The following HCN4 variants were observed in gnomAD, a reference collection of about 807,000 sequenced individuals.
HCN4 encodes the protein potassium/sodium hyperpolarization-activated cyclic nucleotide-gated channel 4.
In HCN4, 29 loss-of-function variants were observed where a neutral mutation model predicts 76.9. The ratio of observed to expected loss-of-function variants is 0.38; its 90% CI spans 0.28 to 0.51. The LOEUF is 0.51. Among genes scored for constraint, HCN4 ranks in the 20% least tolerant of loss-of-function variants. The probability of loss-of-function intolerance (pLI) is 0.90; values close to 1 mark genes in which losing one functional copy is unlikely to be tolerated. For missense variants in HCN4, 1,416 were observed against 1,715.2 expected (o/e 0.83, Z 3.08); for synonymous variants, 772 against 762.5 (o/e 1.01, Z -0.21).
rs1177528428 is a variant in HCN4, at chr15:73,328,117, G to A, written c.1590+1456C>T. Among the ~76,000 whole-genome samples, 11 of 152,160 alleles carry A rather than the reference G, an allele frequency of 7.2e-5. No homozygotes were observed. The highest frequency in any genetic ancestry group is 4.1e-4 in the South Asian group (2 of 4,828). ...ATGGTTAATTACATCACCACAGAGT[G>A]CCGAGTGTGGTGAAGGAGGAGAGGG... On this transcript the variant is annotated intron_variant, in intron 4 of 7. Transcript: ENST00000261917. This position sits in a 1 kb window ranked among gnomAD's most constrained non-coding sequence, Gnocchi z 4.0.
intron 6 of HCN4, 115 bp from the exon 7 acceptor site, chr15:73,324,368 A>G: frequency 4.3e-6 from 5 of 1,164,562 alleles, no homozygotes; most frequent in Non-Finnish European, 6.2e-6. Flanking sequence ...CAGGCTCACA[A>G]GGCCCTGCCC....
At chr15:73,364,852 CCA>C (rs2043121532) in intron 1 of HCN4, among the ~76,000 whole-genome samples, 2 of 152,106 alleles carry the variant, frequency 1.3e-5, no homozygotes, top group African/African-American at 4.8e-5. Flanking sequence ...CCTTCCTCCC[CCA>C]GCAATGGGAG....
chr15:73,344,596 T>A (rs181244167), intron 1 of HCN4, among the ~76,000 whole-genome samples: 1 of 152,214 alleles, frequency 6.6e-6, no homozygotes, highest in East Asian at 1.9e-4. Context: ...CAGGCACCAG[T>A]GAGATACCAC....
intron 2 of HCN4, among the ~76,000 whole-genome samples, chr15:73,340,115 A>C (rs2042991676): frequency 6.6e-6 from 1 of 152,008 alleles, no homozygotes; most frequent in Admixed American, 6.6e-5. Flanking sequence ...CCAGCGCCTG[A>C]CCAGTTCTGG....
At chr15:73,324,927 T>C in intron 6 of HCN4, 28 bp downstream of exon 6, 1 of 1,613,278 alleles carries the variant, frequency 6.2e-7, no homozygotes, top group Non-Finnish European at 8.5e-7. Flanking sequence ...GCAGCTGCCC[T>C]GTCCCCCAGG....
In HCN4 at chr15:73,335,050, G is replaced by GA. The variant is rs889006496; in HGVS notation, c.1210-2759dup. On this transcript the variant is annotated intron_variant, in intron 2 of 7. Transcript: ENST00000261917. ...GGAGAAGGCGGCCGTCTACAAGTCA[G>GA]AAAAAAAAAAGGCCTTACCAGAAGC... is the stretch of plus-strand genomic sequence containing the variant. Among the ~76,000 whole-genome samples, 13 of 148,014 alleles carry GA rather than the reference G, an allele frequency of 8.8e-5. 1 individual carries two copies. In the South Asian group the frequency reaches 1.5e-3, roughly 17 times the overall value.
In HCN4 at chr15:73,322,654, C is replaced by A; in HGVS notation, c.3439G>T (p.Gly1147Cys). The change falls in exon 8 of 8, where the codon GGC becomes TGC. Residue 1147 changes from glycine to cysteine, a missense_variant. Physicochemically the swap from Gly to Cys is radical, Grantham distance 159. This residue lies in a region of HCN4 where 633 missense variants were observed against 579.8 expected (regional missense o/e 1.09). Coordinates refer to ENST00000261917, the MANE Select transcript of HCN4 (RefSeq NM_005477.3). Reference protein sequence around the residue: ...PPGRPYGAIPGQHVTLPRKTS... With the variant: ...PPGRPYGAIPCQHVTLPRKTS... The stretch of plus-strand genomic sequence containing the variant: ...TTCCGAGGCAGAGTGACGTGCTGGC[C>A]GGGGATGGCACCATAGGGCCTCCCA... The A allele has an allele frequency of 6.2e-7, 1 of 1,609,068 alleles. No individual in the cohort carries two copies. The highest frequency in any genetic ancestry group is 1.1e-5 in the South Asian group (1 of 90,142).
intron 1 of HCN4, among the ~76,000 whole-genome samples, chr15:73,359,234 C>T: frequency 6.6e-6 from 1 of 152,156 alleles, no homozygotes; most frequent in East Asian, 1.9e-4. Context: ...TGGAGGGAGT[C>T]CCCCTATCCA....
chr15:73,349,405 G>C (rs1242616740), intron 1 of HCN4, among the ~76,000 whole-genome samples: 2 of 152,054 alleles, frequency 1.3e-5, no homozygotes, highest in Non-Finnish European at 2.9e-5. Flanking sequence ...TACAGATGAG[G>C]AGACTGAGGT....
intron 4 of HCN4, among the ~76,000 whole-genome samples, chr15:73,327,793 C>T (rs2042909701): frequency 6.6e-6 from 1 of 152,148 alleles, no homozygotes. Context: ...TCTCTTCCAC[C>T]TTCTCCTTCC....
rs1567766071 is a variant in HCN4 at position 73,322,425 on chromosome 15, TGAAG to T, written c.*52_*55del. The T allele has an allele frequency of 7.2e-7, 1 of 1,381,960 alleles. No individual in the cohort carries two copies. Among genetic ancestry groups the T allele is most frequent in the African/African-American group, 1.4e-5 (1 of 69,992 alleles). 85.6% of individuals were successfully genotyped at this position (1,381,960 alleles called of 1,614,324 possible). On this transcript the variant is annotated 3_prime_UTR_variant, in exon 8 of 8. Transcript: ENST00000261917. ...TATATCTCCTAATCACAGTTAAACC[TGAAG>T]GAAGAAGGAAGGGAGAGAAAAGAAG...
chr15:73,332,377 G>T (rs1255520543), intron 2 of HCN4, 85 bp from the exon 3 acceptor site: 5 of 1,379,718 alleles, frequency 3.6e-6, no homozygotes, highest in Non-Finnish European at 5.1e-6. Context: ...GGAGCTGCTG[G>T]TGGGCACTGC....
At chr15:73,326,054 C>T (rs1320960707) in intron 4 of HCN4, among the ~76,000 whole-genome samples, 1 of 151,980 alleles carries the variant, frequency 6.6e-6, no homozygotes, top group Non-Finnish European at 1.5e-5. Flanking sequence ...GGCTCGGGTA[C>T]AAAAGATTTG....
At chr15:73,365,048 G>A (rs2043122537) in intron 1 of HCN4, among the ~76,000 whole-genome samples, 1 of 152,142 alleles carries the variant, frequency 6.6e-6, no homozygotes, top group Admixed American at 6.5e-5. Flanking sequence ...GAAGCCTGAG[G>A]TGGGCAATGG....
chr15:73,323,210 G>C lies in HCN4; in HGVS notation c.2883C>G (p.Pro961=). ...GLGLPEHFLP[P]PPSSRSPSSS... ...ATGACGGGGATCTGGATGAGGGTGG[G>C]GGTGGCAGGAAGTGCTCCGGGAGTC... The change falls in exon 8 of 8, where the codon CCC becomes CCG. Residue 961 remains proline (P), a synonymous_variant. Transcript: ENST00000261917. 1 of 1,536,000 alleles carries C rather than the reference G, an allele frequency of 6.5e-7. No individual in the cohort carries two copies.
intron 2 of HCN4, 29 bp from the exon 3 acceptor site, chr15:73,332,321 G>C (rs1181979223): frequency 1.9e-6 from 3 of 1,613,084 alleles, no homozygotes; most frequent in Non-Finnish European, 1.7e-6. Context: ...AAATTGGCTG[G>C]GATAGGTGAG....
At chr15:73,363,081 C>T (rs1703244793) in intron 1 of HCN4, among the ~76,000 whole-genome samples, 1 of 152,240 alleles carries the variant, frequency 6.6e-6, no homozygotes, top group South Asian at 2.1e-4. Context: ...TTGGAATTCC[C>T]CTCTGCAACT....
rs2151214653 is a variant in HCN4, at chr15:73,323,569, G to A, written c.2524C>T (p.Pro842Ser). 6.2e-7 allele frequency: 1 copy of A among 1,600,732 alleles called. No individual in the cohort carries two copies. Among genetic ancestry groups the A allele is most frequent in the Admixed American group, 1.7e-5 (1 of 60,016 alleles). The change falls in exon 8 of 8, where the codon CCC (proline) becomes TCC (serine). Residue 842 changes from proline (P) to serine (S), a missense_variant. Coordinates refer to ENST00000261917, the MANE Select transcript of HCN4 (RefSeq NM_005477.3). ...LIPSALGSAS[P>S]ASSPSQVDTP... ...TCCACCTGGGACGGGCTGCTGGCGGGCGAGGCGGAGCCCAGCGCAGAAGGG... is the reference window on the plus strand; with the variant it reads ...TCCACCTGGGACGGGCTGCTGGCGGACGAGGCGGAGCCCAGCGCAGAAGGG...
intron 1 of HCN4, among the ~76,000 whole-genome samples, chr15:73,350,376 G>A (rs990076437): frequency 5.3e-5 from 8 of 152,140 alleles, no homozygotes; most frequent in Non-Finnish European, 1.0e-4. Flanking sequence ...CACAACCTCA[G>A]ACCAGTCCTA....
Sources: allele counts gnomAD v4.1 joint callset (sites outside exome capture counted in the v4.1 genomes callset), GRCh38; gene constraint gnomAD v4.1.1; regional missense constraint gnomAD v4.1.1; non-coding constraint Gnocchi (gnomAD v3.1); transcripts MANE v1.5; gene names NCBI Gene and HGNC (gene_info 2026-07-23, HGNC 2026-07-21).